Variants in NR1H3 observed in about 807,000 individuals in gnomAD.
NR1H3 encodes the protein nuclear receptor subfamily 1 group H member 3, also known as oxysterols receptor LXR-alpha.
A neutral mutation model predicts 48.1 loss-of-function variants in NR1H3; 19 were observed. The observed-to-expected ratio is 0.40, with a 90% CI of 0.28 to 0.58. The LOEUF (loss-of-function observed/expected upper bound fraction) is 0.58. NR1H3 is among the 20% of genes least tolerant of loss of function. The pLI, the probability that NR1H3 is intolerant of heterozygous loss-of-function variation, is 0.50. For missense variants in NR1H3, 486 were observed against 595.9 expected (o/e 0.82, Z 1.92); for synonymous variants, 232 against 227.3 (o/e 1.02, Z -0.19).
chr11:47,253,145 T>TGTGTGTGTGTGTGTGTGTGTGTGTG (rs1954809227), upstream of NR1H3, among the ~76,000 whole-genome samples: 2 of 63,558 alleles, frequency 3.1e-5, no homozygotes, highest in African/African-American at 2.1e-4. Context: ...GTGTGTGTGT[T>TGTGTGTGTGTGTGTGTGTGTGTGTG]TTCTGTAAAG....
In NR1H3 at chr11:47,258,075, A is replaced by C. The variant is rs1410519239; in HGVS notation, c.-92A>C. The C allele has an allele frequency of 1.0e-6, 1 of 985,114 alleles. No individual in the cohort carries two copies. 61.0% of individuals were successfully genotyped at this position (985,114 alleles called of 1,614,324 possible). On this transcript the variant is annotated 5_prime_UTR_variant, in exon 1 of 10. Coordinates refer to ENST00000441012, the MANE Select transcript of NR1H3 (RefSeq NM_005693.4). Reference sequence around the variant, plus strand: ...GGAAACTGCACCATCCTCTTCTCCCAGCAAGGGGGCTCCAGAGACTGCCCA... The same window carrying C: ...GGAAACTGCACCATCCTCTTCTCCCCGCAAGGGGGCTCCAGAGACTGCCCA...
intron 7 of NR1H3, among the ~76,000 whole-genome samples, chr11:47,265,058 C>G (rs1332022099): frequency 6.6e-6 from 1 of 152,172 alleles, no homozygotes; most frequent in African/African-American, 2.4e-5. Flanking sequence ...CTTTGGGAGG[C>G]CGAGGCAGGC....
intron 6 of NR1H3, 69 bp downstream of exon 6, chr11:47,261,795 C>T (rs764135771): frequency 6.2e-7 from 1 of 1,609,040 alleles, no homozygotes; most frequent in South Asian, 1.1e-5. Context: ...GGCCTCCAGA[C>T]ATCGAGCTGG....
chr11:47,263,264 C>T (rs1304025582), intron 7 of NR1H3, among the ~76,000 whole-genome samples: 1 of 71,014 alleles, frequency 1.4e-5, no homozygotes, highest in Non-Finnish European at 2.6e-5. Flanking sequence ...CTGATTTCCC[C>T]TACTTTTTTT....
In NR1H3 at chr11:47,259,891, C is replaced by A; in HGVS notation, c.144C>A (p.His48Gln). The A allele has an allele frequency of 6.2e-7, 1 of 1,612,894 alleles. No homozygotes were observed. The highest frequency in any genetic ancestry group is 8.5e-7 in the Non-Finnish European group (1 of 1,179,724). Residue 48 changes from histidine to glutamine, a missense_variant, in exon 3 of 10, where the codon CAC becomes CAA. His to Gln is a conservative substitution (Grantham distance 24). Transcript: ENST00000441012. Reference sequence around the variant, plus strand: ...TCAGAGAGGAAGCCAGGATGCCCCACTCTGCTGGGGGTACTGCAGGGGTGG... The same window carrying A: ...TCAGAGAGGAAGCCAGGATGCCCCAATCTGCTGGGGGTACTGCAGGGGTGG... ...CILREEARMPHSAGGTAGVGL... is the reference protein window; with the variant it reads ...CILREEARMPQSAGGTAGVGL...
In NR1H3 at chr11:47,261,907, G is replaced by A. The variant is rs1295021490; in HGVS notation, c.889-12G>A. ...TCCTAGTCCCCGTTTGAGGTTTGCT[G>A]CTTGTGTGCAGGTGATGCTTCTGGA... On this transcript the variant is annotated splice_polypyrimidine_tract_variant and intron_variant, in intron 6 of 9. Coordinates refer to ENST00000441012, the MANE Select transcript of NR1H3 (RefSeq NM_005693.4). The A allele has an allele frequency of 2.5e-6, 4 of 1,612,962 alleles. No individual in the cohort carries two copies. Among genetic ancestry groups the A allele is most frequent in the Non-Finnish European group, 3.4e-6 (4 of 1,179,000 alleles).
At chr11:47,266,075 A>G (rs1159940986) in intron 7 of NR1H3, among the ~76,000 whole-genome samples, 1 of 152,156 alleles carries the variant, frequency 6.6e-6, no homozygotes, top group Non-Finnish European at 1.5e-5. Context: ...TGGCACCAAA[A>G]TCCACATCCT....
chr11:47,257,606 C>T (rs773295933), upstream of NR1H3: 588 of 974,718 alleles, frequency 6.0e-4, no homozygotes, highest in Non-Finnish European at 6.9e-4. Context: ...GTCGCAATTC[C>T]GGGCCGTGCT....
chr11:47,261,335 A>AC lies in NR1H3; in HGVS notation c.601dup (p.Gln201ProfsTer25), dbSNP rs779801455. The AC allele has an allele frequency of 1.6e-4, 263 of 1,612,024 alleles. No individual in the cohort carries two copies. Among genetic ancestry groups the AC allele is most frequent in the Non-Finnish European group, 1.9e-4 (225 of 1,179,542 alleles). ...CATCCTTGCCCCCCAGGGCTTCCTC[A>AC]CCCCCCCAAATCCTGCCCCAGCTCA... is the stretch of plus-strand genomic sequence containing the variant. On this transcript the variant is annotated frameshift_variant, in exon 5 of 10. Coordinates refer to ENST00000441012, the MANE Select transcript of NR1H3 (RefSeq NM_005693.4). LOFTEE classifies it high-confidence loss of function.
chr11:47,267,543 C>T (rs187301040), intron 7 of NR1H3, among the ~76,000 whole-genome samples: 2 of 150,436 alleles, frequency 1.3e-5, no homozygotes, highest in Admixed American at 1.3e-4. Flanking sequence ...GAATCTCGCT[C>T]TATCGCCCAG....
At chr11:47,249,259 C>G (rs551826979) in intron 1 of NR1H3, among the ~76,000 whole-genome samples, 2 of 152,164 alleles carry the variant, frequency 1.3e-5, no homozygotes, top group African/African-American at 4.8e-5. Flanking sequence ...AGCCCTGGCC[C>G]TGTTCTCCAG....
upstream of NR1H3, among the ~76,000 whole-genome samples, chr11:47,257,033 A>G (rs965225698): frequency 2.0e-5 from 3 of 152,102 alleles, no homozygotes; most frequent in African/African-American, 7.2e-5. Flanking sequence ...CCCGGCCGAG[A>G]ATATATTATA....
chr11:47,266,059 G>GCAC (rs1455781502), intron 7 of NR1H3, among the ~76,000 whole-genome samples: 2 of 152,132 alleles, frequency 1.3e-5, no homozygotes, highest in Non-Finnish European at 2.9e-5. Flanking sequence ...TCAACCCGAG[G>GCAC]CAGTCTGGCA....
Position 47,261,328 on chromosome 11 carries a change from C to A in NR1H3, c.587C>A (p.Ala196Asp). ...CATGCCACATCCTTGCCCCCCAGGG[C>A]TTCCTCACCCCCCCAAATCCTGCCC... is the stretch of plus-strand genomic sequence containing the variant. The part of the protein sequence containing the change: ...QAHATSLPPR[A>D]SSPPQILPQL... The change falls in exon 5 of 10, where the codon GCT becomes GAT. Residue 196 changes from alanine to aspartate, a missense_variant. Transcript: ENST00000441012. 6.2e-7 allele frequency: 1 copy of A among 1,614,072 alleles called. No homozygotes were observed. Among genetic ancestry groups the A allele is most frequent in the Non-Finnish European group, 8.5e-7 (1 of 1,180,012 alleles).
intron 1 of NR1H3, among the ~76,000 whole-genome samples, chr11:47,251,349 C>A (rs1407635118): frequency 6.6e-6 from 1 of 152,110 alleles, no homozygotes; most frequent in Non-Finnish European, 1.5e-5. Flanking sequence ...ACATGGCTCA[C>A]ACCTGTAATC....
At chr11:47,248,671 A>C (rs767915526), upstream of NR1H3, 20 of 1,608,892 alleles carry the variant, frequency 1.2e-5, no homozygotes, top group Non-Finnish European at 1.6e-5. Flanking sequence ...CCCATCTCTC[A>C]TTACCAAGGT....
intron 1 of NR1H3, among the ~76,000 whole-genome samples, chr11:47,249,163 A>G (rs1034076469): frequency 2.0e-5 from 3 of 152,162 alleles, no homozygotes; most frequent in African/African-American, 7.2e-5. Flanking sequence ...GCTTGACCCC[A>G]TAGCTAGATC....
intron 1 of NR1H3, chr11:47,250,697 T>C (rs1954580452): frequency 6.6e-6 from 1 of 152,214 alleles, no homozygotes. Context: ...TTGCATATAA[T>C]CCCAAATGGT....
chr11:47,248,804 A>T, upstream of NR1H3: 1 of 1,578,568 alleles, frequency 6.3e-7, no homozygotes, highest in South Asian at 1.2e-5. Context: ...GTTGTAATCT[A>T]TGCAGCAAAC....
Sources: gnomAD v4.1 joint callset for allele counts (sites outside exome capture counted in the v4.1 genomes callset) on GRCh38, gnomAD v4.1.1 for gene constraint, MANE v1.5 for transcripts, NCBI Gene and HGNC (gene_info 2026-07-23, HGNC 2026-07-21) for gene names.